APC: variants seen among roughly 807,000 people sequenced by gnomAD.
APC encodes the protein APC regulator of Wnt signaling pathway.
A neutral mutation model predicts 247.0 loss-of-function variants in APC; 72 were observed. That is an observed-to-expected ratio of 0.29 (90% CI 0.24 to 0.35). The LOEUF (loss-of-function observed/expected upper bound fraction) is 0.35. APC is among the 10% of genes least tolerant of loss of function. APC has a pLI of 1.00. For missense variants in APC, 3,400 were observed against 3,360.7 expected (o/e 1.01, Z -0.29); for synonymous variants, 1,254 against 1,162.5 (o/e 1.08, Z -1.60).
At chr5:112,791,777 G>C (rs951332940) in intron 6 of APC, among the ~76,000 whole-genome samples, 1 of 152,148 alleles carries the variant, frequency 6.6e-6, no homozygotes, top group African/African-American at 2.4e-5. Context: ...AAGATTAAAT[G>C]CAGGTGTAAT....
chr5:112,712,591 G>A (rs937476504), intron 1 of APC, among the ~76,000 whole-genome samples: 2 of 149,088 alleles, frequency 1.3e-5, no homozygotes, highest in Non-Finnish European at 3.0e-5. Context: ...ACCGGGGCTT[G>A]CTGTATTCCC....
intron 1 of APC, among the ~76,000 whole-genome samples, chr5:112,723,068 G>A (rs1360029583): frequency 6.6e-6 from 1 of 152,076 alleles, no homozygotes; most frequent in Non-Finnish European, 1.5e-5. Flanking sequence ...GTCATGCCTT[G>A]GGTAGGTAAA....
chr5:112,728,906 A>G (rs1218094981), intron 1 of APC, among the ~76,000 whole-genome samples: 2 of 152,112 alleles, frequency 1.3e-5, no homozygotes, highest in Non-Finnish European at 2.9e-5. Context: ...TTCATTGCCT[A>G]TATGGTGAAT....
chr5:112,722,804 C>G (rs1200253694), intron 1 of APC, among the ~76,000 whole-genome samples: 2 of 152,136 alleles, frequency 1.3e-5, no homozygotes, highest in Admixed American at 1.3e-4. Flanking sequence ...GTGTACCAAC[C>G]TCGAGGAACC....
chr5:112,722,520 A>C (rs1751538986), intron 1 of APC, among the ~76,000 whole-genome samples: 1 of 152,002 alleles, frequency 6.6e-6, no homozygotes, highest in East Asian at 1.9e-4. Context: ...ATACCATCAG[A>C]TCCCACAGGT....
rs66911377 is a variant in APC, at chr5:112,811,023, TCACA to T, written c.835-4459_835-4456del. Among the ~76,000 whole-genome samples, 18 of 151,452 alleles carry T rather than the reference TCACA, an allele frequency of 1.2e-4. No homozygotes were observed. The East Asian group carries it at 2.7e-3, about 23-fold the overall frequency. On this transcript the variant is annotated intron_variant, in intron 8 of 15. Coordinates refer to ENST00000257430, the MANE Select transcript of APC (RefSeq NM_000038.6). ...CTGGGCAACACAGCAAAACTCCATC[TCACA>T]CACACACACACAAAAAAAGAACCAA...
In APC at chr5:112,821,894, A is replaced by C. The variant is rs1561545780; in HGVS notation, c.1313-2A>C. Reference sequence around the variant, plus strand: ...ATGGTTTATGTTGATTTTATTTTTCAGTGCCAGCTCCTGTTGAACATCAGA... The same window carrying C: ...ATGGTTTATGTTGATTTTATTTTTCCGTGCCAGCTCCTGTTGAACATCAGA... On this transcript the variant is annotated splice_acceptor_variant, in intron 10 of 15. Transcript: ENST00000257430. LOFTEE classifies it high-confidence loss of function. 1.2e-6 allele frequency: 2 copies of C among 1,610,440 alleles called. No homozygotes were observed. The highest frequency in any genetic ancestry group is 2.2e-5 in the South Asian group (2 of 91,020).
intron 14 of APC, chr5:112,829,701 T>C (rs1661930082): frequency 1.3e-5 from 2 of 152,344 alleles, no homozygotes; most frequent in African/African-American, 4.8e-5. Context: ...CCGATCAAAA[T>C]TGTCTCCAGA....
At chr5:112,753,040 C>G (rs1754554817) in intron 1 of APC, among the ~76,000 whole-genome samples, 1 of 151,910 alleles carries the variant, frequency 6.6e-6, no homozygotes, top group African/African-American at 2.4e-5. Context: ...ATTTTTTTCT[C>G]TGTTACTACC....
chr5:112,813,610 A>T (rs1228714421), intron 8 of APC, among the ~76,000 whole-genome samples: 1 of 152,110 alleles, frequency 6.6e-6, no homozygotes, highest in Non-Finnish European at 1.5e-5. Flanking sequence ...GCTAACAGGG[A>T]AGAAAAGTTT....
At chr5:112,713,188 C>T (rs1052617431) in intron 1 of APC, among the ~76,000 whole-genome samples, 9 of 136,852 alleles carry the variant, frequency 6.6e-5, no homozygotes, top group African/African-American at 2.3e-4. Flanking sequence ...AAAAAAAAAC[C>T]AGTATCTCAC....
intron 1 of APC, among the ~76,000 whole-genome samples, chr5:112,742,305 G>A (rs1054519640): frequency 6.6e-6 from 1 of 152,010 alleles, no homozygotes; most frequent in Non-Finnish European, 1.5e-5. Context: ...TCCAAATCCC[G>A]TTAACCACAA....
intron 8 of APC, among the ~76,000 whole-genome samples, chr5:112,802,872 A>T (rs759406188): frequency 2.0e-4 from 30 of 152,234 alleles, no homozygotes; most frequent in Admixed American, 6.5e-4. Flanking sequence ...GATGCAAAAA[A>T]CAGTATTTAT....
intron 3 of APC, among the ~76,000 whole-genome samples, chr5:112,766,847 A>G (rs189751582): frequency 1.3e-5 from 2 of 152,356 alleles, no homozygotes; most frequent in African/African-American, 4.8e-5. Context: ...TTAAAAGGAT[A>G]TCTTTCTCAT....
upstream of APC, among the ~76,000 whole-genome samples, chr5:112,735,471 C>A (rs1485284231): frequency 3.3e-5 from 5 of 150,576 alleles, no homozygotes; most frequent in Non-Finnish European, 7.4e-5. Context: ...AGCCACTGCA[C>A]CCTGCCCAGA....
In APC at chr5:112,722,820, G is replaced by A. The variant is rs1165804793; in HGVS notation, c.165+14938G>A. ...TGTACCAACCTCGAGGAACCTCCAC[G>A]TGTTCAGCTATATGGAAGCTGTCTG... On this transcript the variant is annotated intron_variant, in intron 1 of 13. Transcript: ENST00000507379. 3.3e-5 allele frequency among the ~76,000 whole-genome samples: 5 copies of A among 152,116 alleles called. No homozygotes were observed. In the South Asian group the frequency reaches 6.2e-4, roughly 19 times the overall value.
At chr5:112,779,237 GAAGA>G (rs1254998379) in intron 5 of APC, among the ~76,000 whole-genome samples, 2 of 152,192 alleles carry the variant, frequency 1.3e-5, no homozygotes, top group African/African-American at 4.8e-5. Flanking sequence ...TATAACTTAT[GAAGA>G]AAAATACCAA....
At chr5:112,817,736 T>G (rs984072766) in intron 9 of APC, among the ~76,000 whole-genome samples, 2 of 152,216 alleles carry the variant, frequency 1.3e-5, no homozygotes, top group African/African-American at 2.4e-5. Context: ...ATGTATTATT[T>G]TATTTCACCT....
At chr5:112,770,857 A>G (rs911040136) in intron 4 of APC, among the ~76,000 whole-genome samples, 1 of 152,164 alleles carries the variant, frequency 6.6e-6, no homozygotes, top group Non-Finnish European at 1.5e-5. Context: ...TATACACATA[A>G]GCAAATACAC....
Sources: gnomAD v4.1 joint callset for allele counts (sites outside exome capture counted in the v4.1 genomes callset) on GRCh38, gnomAD v4.1.1 for gene constraint, MANE v1.5 for transcripts, NCBI Gene and HGNC (gene_info 2026-07-23, HGNC 2026-07-21) for gene names.